The following ERICH3 variants were observed in gnomAD, a reference collection of about 807,000 sequenced individuals.
ERICH3 encodes glutamate rich 3, also known as glutamate-rich protein 3.
Under a neutral mutation model 131.1 loss-of-function variants are expected in ERICH3, and 126 were observed. The ratio of observed to expected loss-of-function variants is 0.96; its 90% CI spans 0.83 to 1.11. The LOEUF is 1.11. ERICH3 is among the 50% of genes most tolerant of loss of function. ERICH3 has a pLI of 0.00. For synonymous variants in ERICH3, 695 were observed against 644.6 expected (o/e 1.08, Z -1.18); for missense variants, 2,050 against 1,810.7 (o/e 1.13, Z -2.40).
chr1:74,581,290 T>C (rs1647173001), intron 12 of ERICH3, among the ~76,000 whole-genome samples: 2 of 152,178 alleles, frequency 1.3e-5, no homozygotes, highest in Admixed American at 1.3e-4. Context: ...TTTTTCTTAT[T>C]AAGCCCATGT....
intron 12 of ERICH3, among the ~76,000 whole-genome samples, chr1:74,586,150 A>G (rs556081655): frequency 6.6e-6 from 1 of 152,244 alleles, no homozygotes; most frequent in East Asian, 1.9e-4. Context: ...TATTTTAAAG[A>G]AAACGTGCAG....
At chr1:74,647,204 G>A (rs1234514307) in intron 2 of ERICH3, among the ~76,000 whole-genome samples, 2 of 152,034 alleles carry the variant, frequency 1.3e-5, no homozygotes, top group African/African-American at 4.8e-5. Context: ...ATGGAACCCA[G>A]GTGTTCTTTT....
At chr1:74,609,718 A>G (rs1011950631) in intron 9 of ERICH3, among the ~76,000 whole-genome samples, 1 of 152,128 alleles carries the variant, frequency 6.6e-6, no homozygotes, top group African/African-American at 2.4e-5. Flanking sequence ...TTTCATTGGA[A>G]AAATGGTTAT....
At chr1:74,643,217 G>A in intron 3 of ERICH3, 119 bp from the exon 4 acceptor site, 1 of 667,244 alleles carries the variant, frequency 1.5e-6, no homozygotes, top group Non-Finnish European at 2.5e-6. Context: ...TCATTGAGAT[G>A]GAGAAGAATC....
rs565572771 is a variant in ERICH3 at position 74,651,419 on chromosome 1, G to A, written c.24-2104C>T. Among the ~76,000 whole-genome samples, 9 of 152,178 alleles carry A rather than the reference G, an allele frequency of 5.9e-5. No homozygotes were observed. In the South Asian group the frequency reaches 1.2e-3, roughly 21 times the overall value. ...AAAGACAACCCAAGAGCTTCAGTAAGGCACATAGAAAACCAGCTCCGGATA... is the reference window on the plus strand; with the variant it reads ...AAAGACAACCCAAGAGCTTCAGTAAAGCACATAGAAAACCAGCTCCGGATA... On this transcript the variant is annotated intron_variant, in intron 1 of 14. Coordinates refer to ENST00000326665, the MANE Select transcript of ERICH3 (RefSeq NM_001002912.5).
chr1:74,588,487 C>A (rs1046269669), intron 12 of ERICH3, among the ~76,000 whole-genome samples: 3 of 152,058 alleles, frequency 2.0e-5, no homozygotes, highest in Admixed American at 2.0e-4. Context: ...CTAGTAGACC[C>A]CAGTGGTTTA....
At chr1:74,603,625 G>T (rs1187425500) in intron 10 of ERICH3, among the ~76,000 whole-genome samples, 1 of 151,670 alleles carries the variant, frequency 6.6e-6, no homozygotes, top group East Asian at 1.9e-4. Context: ...CAGGGATATT[G>T]CAGGTTCAGT....
rs1413295664 is a variant in ERICH3 at position 74,612,715 on chromosome 1, A to G, written c.1095T>C (p.Cys365=). 6.2e-7 allele frequency: 1 copy of G among 1,607,680 alleles called. No individual in the cohort carries two copies. The highest frequency in any genetic ancestry group is 1.3e-5 in the African/African-American group (1 of 74,998). The stretch of plus-strand genomic sequence containing the variant: ...AACCTTTCCGATGCTTGTATTCACA[A>G]CAGGAGCTTAACCTGTTCACCTGCA... ...NGMQVNRLSS[C]CEYKHRKGSR... is the part of the protein sequence containing the mutation. Residue 365 remains cysteine (C), a synonymous_variant, in exon 9 of 15, where the codon TGT becomes TGC. Coordinates refer to ENST00000326665, the MANE Select transcript of ERICH3 (RefSeq NM_001002912.5).
intron 1 of ERICH3, among the ~76,000 whole-genome samples, chr1:74,664,733 T>C (rs1325459526): frequency 6.6e-6 from 1 of 152,146 alleles, no homozygotes; most frequent in Non-Finnish European, 1.5e-5. Context: ...ATAATAACAG[T>C]CGCATAAAAA....
chr1:74,605,469 C>T (rs1386084436), intron 10 of ERICH3, among the ~76,000 whole-genome samples: 1 of 151,674 alleles, frequency 6.6e-6, no homozygotes, highest in Non-Finnish European at 1.5e-5. Flanking sequence ...CCTGTCTTGG[C>T]TTTTGATATG....
chr1:74,600,065 A>G, intron 10 of ERICH3, 134 bp from the exon 11 acceptor site: 3 of 620,706 alleles, frequency 4.8e-6, no homozygotes, highest in South Asian at 2.4e-5. Flanking sequence ...TTTTCGTTCA[A>G]TTAGTGAACA....
chr1:74,645,080 C>G (rs779528083), intron 3 of ERICH3, among the ~76,000 whole-genome samples: 1 of 152,084 alleles, frequency 6.6e-6, no homozygotes, highest in Non-Finnish European at 1.5e-5. Flanking sequence ...ATCCCTCACT[C>G]GTCTTGAAAC....
rs926657423 is a variant in ERICH3, at chr1:74,571,020, G to A, written c.*18+79C>T. On this transcript the variant is annotated intron_variant, in intron 14 of 14. Coordinates refer to ENST00000326665, the MANE Select transcript of ERICH3 (RefSeq NM_001002912.5). ...TATATGTGCACAGACACCAATAAAGGGACAAGCCAGCCCCAAGGGGAGGAG... is the reference window on the plus strand; with the variant it reads ...TATATGTGCACAGACACCAATAAAGAGACAAGCCAGCCCCAAGGGGAGGAG... 5 of 1,496,910 alleles carry A rather than the reference G, an allele frequency of 3.3e-6. No homozygotes were observed. The African/African-American group carries it at 7.0e-5, about 21-fold the overall frequency. The allele number at this position is 1,496,910 out of a possible 1,614,324, so 92.7% of individuals were successfully genotyped here. A position where few individuals can be genotyped will look rare whatever the true frequency, so the allele number is the denominator to read the frequency against.
intron 12 of ERICH3, among the ~76,000 whole-genome samples, chr1:74,580,524 G>T (rs1311877646): frequency 6.6e-6 from 1 of 152,148 alleles, no homozygotes; most frequent in Non-Finnish European, 1.5e-5. Flanking sequence ...GAGGTATGAT[G>T]AACAATGTCA....
At chr1:74,621,172 T>C (rs1350343197) in intron 7 of ERICH3, among the ~76,000 whole-genome samples, 1 of 152,194 alleles carries the variant, frequency 6.6e-6, no homozygotes, top group African/African-American at 2.4e-5. Flanking sequence ...TGTCATTTTT[T>C]ACTTTAAGTG....
chr1:74,629,908 C>T (rs1418946696), intron 7 of ERICH3, among the ~76,000 whole-genome samples: 1 of 152,012 alleles, frequency 6.6e-6, no homozygotes, highest in African/African-American at 2.4e-5. Context: ...GGTGCTTGCT[C>T]TGGAAAAATT....
chr1:74,572,379 C>T lies in ERICH3; in HGVS notation c.3331G>A (p.Ala1111Thr), dbSNP rs200242395. 10 of 1,613,816 alleles carry T rather than the reference C, an allele frequency of 6.2e-6. No homozygotes were observed. The highest frequency in any genetic ancestry group is 8.5e-6 in the Non-Finnish European group (10 of 1,180,010). ...EEGETETEVR[A>T]EEETKAPPNE... ...GGGGGAGCTTTTGTCTCTTCCTCAG[C>T]TCTTACTTCTGTCTCTGTTTCCCCT... The change falls in exon 14 of 15, where the codon GCT (alanine) becomes ACT (threonine). Residue 1111 changes from alanine to threonine, a missense_variant. Coordinates refer to ENST00000326665, the MANE Select transcript of ERICH3 (RefSeq NM_001002912.5).
chr1:74,571,419 C>T lies in ERICH3; in HGVS notation c.4291G>A (p.Val1431Met). 6.2e-7 allele frequency: 1 copy of T among 1,614,044 alleles called. No homozygotes were observed. The highest frequency in any genetic ancestry group is 1.3e-5 in the African/African-American group (1 of 75,018). The change falls in exon 14 of 15, where the codon GTG becomes ATG. Residue 1431 changes from valine to methionine, a missense_variant. By Grantham distance (21) the Val-to-Met change is conservative. Coordinates refer to ENST00000326665, the MANE Select transcript of ERICH3 (RefSeq NM_001002912.5). ...CGCTCCAGGGCTCCTGGAGTGCCCA[C>T]CCCAGCCTCTGTTGTATATGTCACT... ...MTVTYTTEAG[V>M]GTPGALERKT...
chr1:74,605,746 C>T (rs1479642159), intron 10 of ERICH3, among the ~76,000 whole-genome samples: 3 of 151,562 alleles, frequency 2.0e-5, no homozygotes, highest in Non-Finnish European at 4.4e-5. Flanking sequence ...ATAGTAACAA[C>T]ACAGATCACT....
Sources: allele counts gnomAD v4.1 joint callset (sites outside exome capture counted in the v4.1 genomes callset), GRCh38; gene constraint gnomAD v4.1.1; transcripts MANE v1.5; gene names NCBI Gene and HGNC (gene_info 2026-07-23, HGNC 2026-07-21).